Variants in STK32C observed in about 807,000 individuals in gnomAD.
STK32C encodes serine/threonine-protein kinase 32C.
In STK32C, 31 loss-of-function variants were observed where a neutral mutation model predicts 56.5. That is an observed-to-expected ratio of 0.55 (90% CI 0.41 to 0.74). STK32C has a LOEUF of 0.74. STK32C is among the 30% of genes least tolerant of loss of function. The probability of loss-of-function intolerance (pLI) is 0.00; values close to 1 mark genes in which losing one functional copy is unlikely to be tolerated. For missense variants in STK32C, 544 were observed against 676.9 expected, an observed-to-expected ratio of 0.80 and a Z score of 2.18; for synonymous variants, 309 against 289.4, an observed-to-expected ratio of 1.07 and a Z score of -0.69.
At chr10:132,304,248 C>T (rs73383291) in intron 1 of STK32C, among the ~76,000 whole-genome samples, 2,133 of 152,128 alleles carry the variant, frequency 0.014, 55 homozygotes, top group African/African-American at 0.048. Flanking sequence ...ACTGCAGAGT[C>T]GGGAATCTCA....
In STK32C at chr10:132,245,895, C is replaced by T; in HGVS notation, c.318+5G>A. ...GCCCAGTCCCCACCCCAGGCCCTGC[C>T]TTACCTTGCCAAAGCTGCCCTTCCC... On this transcript the variant is annotated splice_donor_5th_base_variant and intron_variant, in intron 2 of 11. Coordinates refer to ENST00000298630, the MANE Select transcript of STK32C (RefSeq NM_173575.4). The T allele has an allele frequency of 6.2e-7, 1 of 1,612,774 alleles. No individual in the cohort carries two copies. Among genetic ancestry groups the T allele is most frequent in the Non-Finnish European group, 8.5e-7 (1 of 1,180,014 alleles).
intron 10 of STK32C, among the ~76,000 whole-genome samples, chr10:132,221,815 C>T (rs1312807189): frequency 2.2e-5 from 3 of 137,532 alleles, no homozygotes; most frequent in African/African-American, 8.5e-5. Context: ...CCTGCACACA[C>T]TCACAACTGA....
chr10:132,281,115 C>G (rs1041988531), intron 1 of STK32C, among the ~76,000 whole-genome samples: 1 of 152,130 alleles, frequency 6.6e-6, no homozygotes, highest in East Asian at 1.9e-4. Flanking sequence ...GATCATGCCA[C>G]TGCACTCCAT....
intron 2 of STK32C, among the ~76,000 whole-genome samples, chr10:132,230,935 A>G (rs2063079275): frequency 6.6e-6 from 1 of 152,068 alleles, no homozygotes; most frequent in Non-Finnish European, 1.5e-5. Context: ...CAGCCCACTC[A>G]CCAGGGGACA....
At chr10:132,279,042 T>TGCAGGGG (rs1564770796) in intron 1 of STK32C, among the ~76,000 whole-genome samples, 2 of 152,068 alleles carry the variant, frequency 1.3e-5, no homozygotes, top group African/African-American at 4.8e-5. Context: ...CCATATACCA[T>TGCAGGGG]GCAGGGGGCG....
chr10:132,303,818 C>T (rs2065978478), intron 1 of STK32C, among the ~76,000 whole-genome samples: 2 of 152,222 alleles, frequency 1.3e-5, no homozygotes, highest in Admixed American at 1.3e-4. Context: ...TCAAACCCTC[C>T]CGCTCCTGGA....
intron 1 of STK32C, among the ~76,000 whole-genome samples, chr10:132,267,617 A>G (rs2064599911): frequency 2.8e-5 from 4 of 142,206 alleles, no homozygotes; most frequent in African/African-American, 1.1e-4. Flanking sequence ...ATGCATGTTC[A>G]GCTCTATGCC....
intron 1 of STK32C, among the ~76,000 whole-genome samples, chr10:132,295,928 G>A (rs2065732229): frequency 6.6e-6 from 1 of 151,688 alleles, no homozygotes; most frequent in African/African-American, 2.4e-5. Flanking sequence ...AAGCCCCCTT[G>A]ATGAGGGGAC....
intron 1 of STK32C, among the ~76,000 whole-genome samples, chr10:132,269,354 C>T (rs1389723169): frequency 6.6e-6 from 1 of 152,214 alleles, no homozygotes. Context: ...TGCCTGGAGC[C>T]TGGAAAATCT....
chr10:132,302,543 C>T (rs2065939226), intron 1 of STK32C, among the ~76,000 whole-genome samples: 1 of 152,158 alleles, frequency 6.6e-6, no homozygotes, highest in Non-Finnish European at 1.5e-5. Context: ...AGGCCTCCTC[C>T]CCAGTCCACA....
intron 1 of STK32C, among the ~76,000 whole-genome samples, chr10:132,266,671 G>A (rs1218674299): frequency 6.6e-6 from 1 of 152,030 alleles, no homozygotes; most frequent in Non-Finnish European, 1.5e-5. Context: ...GGAGGAACGA[G>A]CCAGGGCTGG....
chr10:132,223,412 G>C (rs1475252898), intron 8 of STK32C, among the ~76,000 whole-genome samples: 2 of 152,230 alleles, frequency 1.3e-5, no homozygotes, highest in Non-Finnish European at 2.9e-5. Context: ...GGGCAGCCAT[G>C]CATGGCCTGG....
chr10:132,289,576 A>C (rs772829184), intron 1 of STK32C, among the ~76,000 whole-genome samples: 9 of 152,222 alleles, frequency 5.9e-5, no homozygotes, highest in Non-Finnish European at 1.3e-4. Flanking sequence ...TCCTCAAACA[A>C]CAGAGATTTA....
chr10:132,290,381 C>A (rs1017039525), intron 1 of STK32C, among the ~76,000 whole-genome samples: 3 of 152,236 alleles, frequency 2.0e-5, no homozygotes, highest in Non-Finnish European at 4.4e-5. Context: ...CATATGGAGT[C>A]CAGAGCGAAC....
intron 2 of STK32C, among the ~76,000 whole-genome samples, chr10:132,230,883 T>A (rs1406684630): frequency 6.6e-6 from 1 of 152,150 alleles, no homozygotes; most frequent in Non-Finnish European, 1.5e-5. Context: ...TACGGGGGAA[T>A]CTCTGGAAGA....
intron 2 of STK32C, among the ~76,000 whole-genome samples, chr10:132,235,142 T>C (rs1429804461): frequency 1.3e-5 from 2 of 151,256 alleles, no homozygotes; most frequent in Non-Finnish European, 2.9e-5. Flanking sequence ...GTGGTGTGAG[T>C]GGTGTGAGCT....
chr10:132,330,500 G>C, intron 1 of STK32C: 2 of 716,968 alleles, frequency 2.8e-6, no homozygotes, highest in Non-Finnish European at 5.2e-6. Flanking sequence ...TTGGTAGATA[G>C]TTGGGTATGT....
chr10:132,273,512 G>A (rs1012518819), intron 1 of STK32C, among the ~76,000 whole-genome samples: 1 of 151,932 alleles, frequency 6.6e-6, no homozygotes. Flanking sequence ...ATGATAATGA[G>A]TTAGTGAATG....
intron 2 of STK32C, among the ~76,000 whole-genome samples, chr10:132,241,653 G>A (rs746564415): frequency 2.6e-5 from 4 of 152,162 alleles, no homozygotes; most frequent in South Asian, 4.1e-4. Flanking sequence ...AGGAAGAGCC[G>A]GCATTTTTGG....
Sources: gnomAD v4.1 joint callset for allele counts (sites outside exome capture counted in the v4.1 genomes callset) on GRCh38, gnomAD v4.1.1 for gene constraint, MANE v1.5 for transcripts, NCBI Gene and HGNC (gene_info 2026-07-23, HGNC 2026-07-21) for gene names.